ESCO1: variants seen among roughly 807,000 people sequenced by gnomAD.
The protein encoded by ESCO1 is N-acetyltransferase ESCO1.
ESCO1 carries 33 observed loss-of-function variants against 83.5 expected under a neutral mutation model. That is an observed-to-expected ratio of 0.40 (90% CI 0.30 to 0.53). The LOEUF (loss-of-function observed/expected upper bound fraction) is 0.53, where lower values mean the gene tolerates loss of function less well. ESCO1 is among the 20% of genes least tolerant of loss of function. The pLI is 0.63. For synonymous variants in ESCO1, 332 were observed against 324.3 expected (o/e 1.02, Z -0.25); for missense variants, 855 against 968.0 (o/e 0.88, Z 1.55).
chr18:21,540,101 C>T lies in ESCO1; in HGVS notation c.1954-92G>A, dbSNP rs530406838. On this transcript the variant is annotated intron_variant, in intron 8 of 11. Transcript: ENST00000269214. ...ATATCCACGTACAAGATAAAAAGTA[C>T]ATCAATTTGTCTAAAAATTGCAAAC... 2.1e-4 allele frequency: 241 copies of T among 1,149,466 alleles called. 1 individual carries two copies. In the South Asian group the frequency reaches 3.0e-3, roughly 14 times the overall value. The allele number at this position is 1,149,466 out of a possible 1,614,324, so 71.2% of individuals were successfully genotyped here.
intron 9 of ESCO1, 53 bp downstream of exon 9, chr18:21,539,866 AT>A: frequency 5.4e-6 from 8 of 1,485,260 alleles, no homozygotes; most frequent in Admixed American, 1.8e-5. Context: ...AAAAAAAAAA[AT>A]TAACTGCAAA....
In ESCO1 at chr18:21,596,247, A is replaced by C. The variant is rs574959739; in HGVS notation, c.-825+4376T>G. Among the ~76,000 whole-genome samples, 52 of 151,374 alleles carry C rather than the reference A, an allele frequency of 3.4e-4. 1 individual carries two copies. In the East Asian group the frequency reaches 7.6e-3, roughly 22 times the overall value. Reference sequence around the variant, plus strand: ...CTTCAAAAAAACAAAACAAAAAAAAACAGAAAGAAACCTTTCCTAATATAA... The same window carrying C: ...CTTCAAAAAAACAAAACAAAAAAAACCAGAAAGAAACCTTTCCTAATATAA... On this transcript the variant is annotated intron_variant, in intron 1 of 11. Coordinates refer to ENST00000269214, the MANE Select transcript of ESCO1 (RefSeq NM_052911.3).
At chr18:21,559,628 A>G (rs1206554392) in intron 8 of ESCO1, among the ~76,000 whole-genome samples, 1 of 152,214 alleles carries the variant, frequency 6.6e-6, no homozygotes. Context: ...TTGTATATAA[A>G]ATATACTGAA....
At chr18:21,560,738 A>T in intron 8 of ESCO1, 121 bp downstream of exon 8, 1 of 1,208,932 alleles carries the variant, frequency 8.3e-7, no homozygotes, top group Non-Finnish European at 1.1e-6. Flanking sequence ...CGTGCTTTGT[A>T]CATATTATTA....
chr18:21,555,638 C>CA lies in ESCO1; in HGVS notation c.1953+5220dup, dbSNP rs559548809. Among the ~76,000 whole-genome samples the CA allele has an allele frequency of 3.0e-4, 45 of 151,810 alleles. 1 individual carries two copies. The East Asian group carries it at 8.6e-3, about 29-fold the overall frequency. On this transcript the variant is annotated intron_variant, in intron 8 of 11. Transcript: ENST00000269214. ...GCAACAAAACAAAACCCCATCTCTA[C>CA]AAAAAACTTAAAAATTAGCCAGGTG... is the stretch of plus-strand genomic sequence containing the variant.
chr18:21,576,408 CAGG>C (rs1448746708), intron 2 of ESCO1, among the ~76,000 whole-genome samples: 14 of 152,244 alleles, frequency 9.2e-5, no homozygotes, highest in South Asian at 2.1e-4. Context: ...GAGACTGAGA[CAGG>C]AGGATTGTTT....
At chr18:21,572,552 A>G (rs2038354622) in intron 4 of ESCO1, among the ~76,000 whole-genome samples, 2 of 152,214 alleles carry the variant, frequency 1.3e-5, no homozygotes, top group South Asian at 4.1e-4. Context: ...CTACTTGCCA[A>G]CTATTCAAAA....
At chr18:21,555,161 AT>A (rs1302761842) in intron 8 of ESCO1, among the ~76,000 whole-genome samples, 1 of 152,186 alleles carries the variant, frequency 6.6e-6, no homozygotes, top group Non-Finnish European at 1.5e-5. Flanking sequence ...AAAAAAGCCC[AT>A]CAGAAAAGGC....
At chr18:21,530,641 ATAAT>A (rs2037756262) in intron 11 of ESCO1, 151 bp from the exon 12 acceptor site, 2 of 563,304 alleles carry the variant, frequency 3.6e-6, no homozygotes, top group South Asian at 4.2e-5. Flanking sequence ...ATTTTTGAAA[ATAAT>A]TATTCATCTA....
At chr18:21,590,070 A>T (rs1598480036) in intron 1 of ESCO1, among the ~76,000 whole-genome samples, 1 of 151,370 alleles carries the variant, frequency 6.6e-6, no homozygotes, top group Non-Finnish European at 1.5e-5. Context: ...CTCGTGATCC[A>T]CCCGTGTCGG....
At position 21,539,881 on chromosome 18, in the gene ESCO1, A is replaced by T. The variant is rs533978546; in HGVS notation, c.2043+39T>A. ...AAAAAAAAAAATTAACTGCAAAATGATATTATCCACTCTACATGAAGTTTC... is the reference window on the plus strand; with the variant it reads ...AAAAAAAAAAATTAACTGCAAAATGTTATTATCCACTCTACATGAAGTTTC... On this transcript the variant is annotated intron_variant, in intron 9 of 11. Coordinates refer to ENST00000269214, the MANE Select transcript of ESCO1 (RefSeq NM_052911.3). 3.6e-5 allele frequency: 55 copies of T among 1,527,520 alleles called. No individual in the cohort carries two copies. The East Asian group carries it at 1.0e-3, about 28-fold the overall frequency. The allele number at this position is 1,527,520 out of a possible 1,614,324, so 94.6% of individuals were successfully genotyped here. A position where few individuals can be genotyped will look rare whatever the true frequency, so the allele number is the denominator to read the frequency against.
chr18:21,535,906 C>G, intron 10 of ESCO1, 136 bp downstream of exon 10: 1 of 1,033,854 alleles, frequency 9.7e-7, no homozygotes. Context: ...GGTGAAGACT[C>G]ACACATGGGA....
chr18:21,582,478 G>A (rs2038516073), intron 2 of ESCO1, among the ~76,000 whole-genome samples: 2 of 152,072 alleles, frequency 1.3e-5, no homozygotes, highest in South Asian at 2.1e-4. Flanking sequence ...TGATATGCCC[G>A]CCTCGGCCTC....
rs937451971 is a variant in ESCO1, at chr18:21,567,998, C to G, written c.1627G>C (p.Gly543Arg). The G allele has an allele frequency of 1.9e-6, 3 of 1,612,394 alleles. No homozygotes were observed. In the South Asian group the frequency reaches 3.3e-5, roughly 18 times the overall value. The change falls in exon 5 of 12, where the codon GGA (glycine) becomes CGA (arginine). Residue 543 changes from glycine (G) to arginine (R), a missense_variant. By Grantham distance (125) the Gly-to-Arg change is moderately radical. Coordinates refer to ENST00000269214, the MANE Select transcript of ESCO1 (RefSeq NM_052911.3). ...TLLSQAKIDTGENKFPGSAPQ... is the reference protein window; with the variant it reads ...TLLSQAKIDTRENKFPGSAPQ... ...GTATTACCTGGAAATTTATTCTCTCCTGTATCAATTTTTGCTTGACTGAGC... is the reference window on the plus strand; with the variant it reads ...GTATTACCTGGAAATTTATTCTCTCGTGTATCAATTTTTGCTTGACTGAGC...
At chr18:21,594,924 A>ACT (rs2038738268) in intron 1 of ESCO1, among the ~76,000 whole-genome samples, 2 of 86,070 alleles carry the variant, frequency 2.3e-5, no homozygotes, top group African/African-American at 9.7e-5. Flanking sequence ...GTCTACAACT[A>ACT]CTGTGTGTGT....
At chr18:21,564,711 C>T (rs1353800892) in intron 6 of ESCO1, among the ~76,000 whole-genome samples, 1 of 151,648 alleles carries the variant, frequency 6.6e-6, no homozygotes, top group Admixed American at 6.6e-5. Context: ...AACTTATTTT[C>T]TACACAACGC....
intron 1 of ESCO1, chr18:21,593,615 G>GAGGGAGAGGGAGAGGGAC (rs938309143): frequency 5.3e-5 from 8 of 151,534 alleles, no homozygotes; most frequent in Non-Finnish European, 7.4e-5. Context: ...GGGAGAGGGA[G>GAGGGAGAGGGAGAGGGAC]AGGGAGAGGG....
chr18:21,534,643 T>G (rs2146166742), intron 10 of ESCO1, among the ~76,000 whole-genome samples: 1 of 151,608 alleles, frequency 6.6e-6, no homozygotes, highest in East Asian at 1.9e-4. Flanking sequence ...TTTTTTTTTT[T>G]TTTGAGATGG....
chr18:21,591,142 T>C (rs2038661845), intron 1 of ESCO1, among the ~76,000 whole-genome samples: 3 of 152,158 alleles, frequency 2.0e-5, no homozygotes, highest in African/African-American at 7.2e-5. Flanking sequence ...TGAGATGTGA[T>C]CATCCTGGAT....
Sources: allele counts gnomAD v4.1 joint callset (sites outside exome capture counted in the v4.1 genomes callset), GRCh38; gene constraint gnomAD v4.1.1; transcripts MANE v1.5; gene names NCBI Gene and HGNC (gene_info 2026-07-23, HGNC 2026-07-21).